DOCK5: variants seen among roughly 807,000 people sequenced by gnomAD.
The protein encoded by DOCK5 is dedicator of cytokinesis 5, also known as dedicator of cytokinesis protein 5.
A neutral mutation model predicts 251.8 loss-of-function variants in DOCK5; 142 were observed. The observed-to-expected ratio is 0.56, with a 90% confidence interval of 0.49 to 0.65. The LOEUF is 0.65. Among genes scored for constraint, DOCK5 ranks in the 30% least tolerant of loss-of-function variants. The pLI is 0.00. For missense variants in DOCK5, 2,111 were observed against 2,312.3 expected (o/e 0.91, Z 1.79); for synonymous variants, 842 against 835.5 (o/e 1.01, Z -0.13).
chr8:25,249,078 A>T (rs1803198191), intron 2 of DOCK5, among the ~76,000 whole-genome samples: 2 of 152,104 alleles, frequency 1.3e-5, no homozygotes, highest in Non-Finnish European at 2.9e-5. Flanking sequence ...AGCTCACTGT[A>T]ACCTTGGCCT....
intron 1 of DOCK5, among the ~76,000 whole-genome samples, chr8:25,202,136 C>T (rs1801896309): frequency 6.6e-6 from 1 of 152,156 alleles, no homozygotes; most frequent in Non-Finnish European, 1.5e-5. Flanking sequence ...CCTGCCTCAG[C>T]CTCCCCAAGT....
intron 2 of DOCK5, among the ~76,000 whole-genome samples, chr8:25,257,055 T>C (rs1028260031): frequency 2.6e-5 from 4 of 152,166 alleles, no homozygotes; most frequent in African/African-American, 9.7e-5. Context: ...GCTTTGGTTG[T>C]TGGCAGTAAT....
rs748680730 is a variant in DOCK5 at position 25,408,094 on chromosome 8, AG to A, written c.5206del (p.Asp1736ThrfsTer4). 16 of 1,602,616 alleles carry A rather than the reference AG, an allele frequency of 1.0e-5. No homozygotes were observed. The highest frequency in any genetic ancestry group is 1.4e-5 in the Non-Finnish European group (16 of 1,174,500). ...ENRISKFKRK[D>X]WSLSKSQVIA... is the part of the protein sequence containing the mutation. ...ACCGGATCAGCAAGTTTAAGAGAAA[AG>A]ACTGGAGTCTGAGCAAGTCCCAGGT... On this transcript the variant is annotated frameshift_variant, in exon 49 of 52. Coordinates refer to ENST00000276440, the MANE Select transcript of DOCK5 (RefSeq NM_024940.8). LOFTEE classifies it high-confidence loss of function.
intron 1 of DOCK5, among the ~76,000 whole-genome samples, chr8:25,204,440 A>G (rs931500703): frequency 3.3e-5 from 5 of 152,166 alleles, no homozygotes; most frequent in Admixed American, 1.3e-4. Flanking sequence ...AACAGAGATA[A>G]TATTTTCTAT....
intron 11 of DOCK5, chr8:25,305,186 T>C (rs921640508): frequency 6.7e-6 from 1 of 150,076 alleles, no homozygotes; most frequent in African/African-American, 2.5e-5. Context: ...TGCAGACAAG[T>C]AGAACAAACT....
At position 25,372,704 on chromosome 8, in the gene DOCK5, A is replaced by C; in HGVS notation, c.3670A>C (p.Thr1224Pro). Residue 1224 changes from threonine (T) to proline (P), a missense_variant, in exon 35 of 52, where the codon ACT becomes CCT. Physicochemically the swap from Thr to Pro is conservative, Grantham distance 38. Transcript: ENST00000276440. ...GAGCAAGGAGAACCGTATGAGCTGC[A>C]CTGTGAACGTGCTGGTATGTGACAT... ...DESKENRMSC[T>P]VNVLNFYKEK... 1.9e-6 allele frequency: 3 copies of C among 1,611,116 alleles called. No individual in the cohort carries two copies. Among genetic ancestry groups the C allele is most frequent in the Non-Finnish European group, 2.5e-6 (3 of 1,178,692 alleles).
At chr8:25,355,105 G>A (rs1185509240) in intron 27 of DOCK5, among the ~76,000 whole-genome samples, 1 of 152,174 alleles carries the variant, frequency 6.6e-6, no homozygotes, top group African/African-American at 2.4e-5. Flanking sequence ...ATGGCAGCAT[G>A]TGCCTGTAGC....
At chr8:25,267,462 C>T (rs1447156032) in intron 2 of DOCK5, among the ~76,000 whole-genome samples, 5 of 152,140 alleles carry the variant, frequency 3.3e-5, no homozygotes, top group Non-Finnish European at 5.9e-5. Flanking sequence ...ATAACATGCA[C>T]GAAGTAGAGT....
At chr8:25,257,496 G>A (rs1383770297) in intron 2 of DOCK5, among the ~76,000 whole-genome samples, 2 of 152,134 alleles carry the variant, frequency 1.3e-5, no homozygotes, top group Non-Finnish European at 2.9e-5. Context: ...TTTTGGACAC[G>A]ACATAAAGTT....
chr8:25,334,392 G>A (rs1301955439), intron 21 of DOCK5, among the ~76,000 whole-genome samples, 196 bp downstream of exon 21: 1 of 152,172 alleles, frequency 6.6e-6, no homozygotes, highest in Non-Finnish European at 1.5e-5. Context: ...GCTAAGATCA[G>A]GGCCTTCATT....
At chr8:25,267,231 G>A (rs780348274) in intron 2 of DOCK5, among the ~76,000 whole-genome samples, 2 of 151,990 alleles carry the variant, frequency 1.3e-5, no homozygotes, top group Non-Finnish European at 2.9e-5. Flanking sequence ...ATCCTAAATC[G>A]GGGGAAGTGT....
chr8:25,385,607 CCATATACTTGGCTCTAATATAGG>C (rs1801151837), intron 40 of DOCK5, among the ~76,000 whole-genome samples: 2 of 152,102 alleles, frequency 1.3e-5, no homozygotes, highest in Non-Finnish European at 2.9e-5. Flanking sequence ...TAAACTCCTA[CCATATACTTGGCTCTAATATAGG>C]CATGGGAGCA....
intron 37 of DOCK5, 91 bp downstream of exon 37, chr8:25,374,745 A>T: frequency 6.2e-7 from 1 of 1,609,488 alleles, no homozygotes; most frequent in East Asian, 2.2e-5. Flanking sequence ...GATGGGAAAG[A>T]ACTTTATTCC....
At chr8:25,408,964 A>G in intron 50 of DOCK5, 24 bp downstream of exon 50, 2 of 1,613,904 alleles carry the variant, frequency 1.2e-6, no homozygotes, top group Non-Finnish European at 1.7e-6. Context: ...TATTCCTTAT[A>G]GTCTTTTTAC....
In DOCK5 at chr8:25,376,270, T is replaced by G; in HGVS notation, c.3817-1035T>G. On this transcript the variant is annotated intron_variant, in intron 37 of 51. Coordinates refer to ENST00000276440, the MANE Select transcript of DOCK5 (RefSeq NM_024940.8). The stretch of plus-strand genomic sequence containing the variant: ...TAAACTCTCCTATCCTGGTGTAAGA[T>G]ATGAGGTATGAATGCAGCTTTTTTT... 3 of 985,298 alleles carry G rather than the reference T, an allele frequency of 3.0e-6. No individual in the cohort carries two copies. In the South Asian group the frequency reaches 1.4e-4, roughly 46 times the overall value. The allele number at this position is 985,298 out of a possible 1,614,324, so 61.0% of individuals were successfully genotyped here. A position where few individuals can be genotyped will look rare whatever the true frequency, so the allele number is the denominator to read the frequency against.
At chr8:25,210,037 T>A (rs6982864) in intron 1 of DOCK5, among the ~76,000 whole-genome samples, 1 of 1,654 alleles carries the variant, frequency 6.0e-4, no homozygotes, top group East Asian at 0.015. Flanking sequence ...TATATATAAA[T>A]GTGTGTGTGT....
chr8:25,226,336 C>G (rs1296169893), intron 1 of DOCK5, among the ~76,000 whole-genome samples: 1 of 141,050 alleles, frequency 7.1e-6, no homozygotes, highest in Non-Finnish European at 1.5e-5. Context: ...GATCTTGGCT[C>G]ACTGCAACCT....
intron 17 of DOCK5, 121 bp downstream of exon 17, chr8:25,324,072 T>G: frequency 8.7e-7 from 1 of 1,143,212 alleles, no homozygotes; most frequent in East Asian, 2.6e-5. Flanking sequence ...ACTTGCCCAT[T>G]AACATCTAGA....
intron 22 of DOCK5, among the ~76,000 whole-genome samples, chr8:25,339,007 C>T (rs17053419): frequency 0.24 from 36,058 of 152,004 alleles, 4,917 homozygotes; most frequent in African/African-American, 0.37. Context: ...TCATTACACA[C>T]TGTCTGTGAT....
Sources: gnomAD v4.1 joint callset for allele counts (sites outside exome capture counted in the v4.1 genomes callset) on GRCh38, gnomAD v4.1.1 for gene constraint, MANE v1.5 for transcripts, NCBI Gene and HGNC (gene_info 2026-07-23, HGNC 2026-07-21) for gene names.